The following CDC25C variants were observed in gnomAD, a reference collection of about 807,000 sequenced individuals.
CDC25C encodes cell division cycle 25C.
A neutral mutation model predicts 52.5 loss-of-function variants in CDC25C; 48 were observed. The observed-to-expected ratio is 0.91, with a 90% CI of 0.72 to 1.16. The LOEUF (loss-of-function observed/expected upper bound fraction) is 1.16. Among genes scored for constraint, CDC25C ranks in the 50% most tolerant of loss-of-function variants. The pLI, the probability that CDC25C is intolerant of heterozygous loss-of-function variation, is 0.00. For synonymous variants in CDC25C, 187 were observed against 206.5 expected (o/e 0.91, Z 0.81); for missense variants, 510 against 566.1 (o/e 0.90, Z 1.01).
Position 138,331,762 on chromosome 5 carries a change from T to C in CDC25C, c.-206A>G. 1.0e-6 allele frequency: 1 copy of C among 987,236 alleles called. No individual in the cohort carries two copies. The highest frequency in any genetic ancestry group is 6.0e-5 in the Admixed American group (1 of 16,634). The allele number at this position is 987,236 out of a possible 1,614,324, so 61.2% of individuals were successfully genotyped here. A position where few individuals can be genotyped will look rare whatever the true frequency, so the allele number is the denominator to read the frequency against. On this transcript the variant is annotated 5_prime_UTR_variant, in exon 1 of 14. Transcript: ENST00000323760. ...GTAGGCCAACGTCGGACTCAGAGTC[T>C]TCCCTGAGCAGAAGGCCAAAGTTAC...
In CDC25C at chr5:138,298,568, G is replaced by A. The variant is rs1757388992; in HGVS notation, c.616-6452C>T. On this transcript the variant is annotated intron_variant, in intron 7 of 13. Coordinates refer to ENST00000323760, the MANE Select transcript of CDC25C (RefSeq NM_001790.5). ...AGATCGAGACCATCCTGGCCAACAT[G>A]GTGAAATCCTGTCTCTACTAAAAAT... 4.6e-5 allele frequency among the ~76,000 whole-genome samples: 7 copies of A among 151,502 alleles called. No individual in the cohort carries two copies. The South Asian group carries it at 1.5e-3, about 32-fold the overall frequency.
chr5:138,287,637 C>A (rs940507378), intron 10 of CDC25C, among the ~76,000 whole-genome samples: 3 of 152,052 alleles, frequency 2.0e-5, no homozygotes, highest in Admixed American at 6.6e-5. Context: ...TCCCTACCCA[C>A]CATCAAAAAG....
intron 1 of CDC25C, chr5:138,337,182 C>G (rs1760761847): frequency 6.6e-6 from 1 of 152,114 alleles, no homozygotes; most frequent in Non-Finnish European, 1.5e-5. Context: ...TGCTTGTCTC[C>G]CTAAACCATC....
intron 7 of CDC25C, among the ~76,000 whole-genome samples, chr5:138,312,315 A>G (rs564035282): frequency 6.6e-6 from 1 of 152,304 alleles, no homozygotes; most frequent in Non-Finnish European, 1.5e-5. Context: ...GGCTGCAGTG[A>G]GCCATGATCA....
chr5:138,285,568 G>T lies in CDC25C; in HGVS notation c.*124C>A. 2 of 870,406 alleles carry T rather than the reference G, an allele frequency of 2.3e-6. No individual in the cohort carries two copies. The highest frequency in any genetic ancestry group is 1.8e-6 in the Non-Finnish European group (1 of 548,938). 53.9% of individuals were successfully genotyped at this position (870,406 alleles called of 1,614,324 possible). On this transcript the variant is annotated 3_prime_UTR_variant, in exon 14 of 14. Coordinates refer to ENST00000323760, the MANE Select transcript of CDC25C (RefSeq NM_001790.5). ...TCCCAGGCCTGGATACAAGTTGGTAGCCTGTTGGTTTGCAGAGACATCTTT... is the reference window on the plus strand; with the variant it reads ...TCCCAGGCCTGGATACAAGTTGGTATCCTGTTGGTTTGCAGAGACATCTTT...
At chr5:138,288,175 A>C (rs1295751126) in intron 10 of CDC25C, among the ~76,000 whole-genome samples, 1 of 152,058 alleles carries the variant, frequency 6.6e-6, no homozygotes, top group Non-Finnish European at 1.5e-5. Context: ...TCCCGGGTTC[A>C]AGCAATTCTC....
At chr5:138,322,858 T>A (rs1472592743) in intron 6 of CDC25C, among the ~76,000 whole-genome samples, 5 of 151,892 alleles carry the variant, frequency 3.3e-5, no homozygotes, top group African/African-American at 1.2e-4. Context: ...TGACCTCAAG[T>A]GATCAGCCTG....
At position 138,286,479 on chromosome 5, in the gene CDC25C, C is replaced by A. The variant is rs202170372; in HGVS notation, c.1160+18G>T. 42 of 1,602,388 alleles carry A rather than the reference C, an allele frequency of 2.6e-5. No individual in the cohort carries two copies. Among genetic ancestry groups the A allele is most frequent in the Non-Finnish European group, 2.6e-6 (3 of 1,173,734 alleles). ...AAATCCATTTCCATCACCCGCCAGACCCCATTTAGACACTCACATTCGGGG... is the reference window on the plus strand; with the variant it reads ...AAATCCATTTCCATCACCCGCCAGAACCCATTTAGACACTCACATTCGGGG... On this transcript the variant is annotated intron_variant, in intron 12 of 13. Transcript: ENST00000323760.
intron 6 of CDC25C, among the ~76,000 whole-genome samples, chr5:138,321,765 A>C (rs928044218): frequency 5.1e-4 from 67 of 130,558 alleles, no homozygotes; most frequent in Non-Finnish European, 6.9e-4. Flanking sequence ...AAAAAAAAAA[A>C]AAAAAAAAAA....
intron 7 of CDC25C, among the ~76,000 whole-genome samples, chr5:138,307,875 A>AT (rs1758142202): frequency 6.6e-6 from 1 of 151,970 alleles, no homozygotes; most frequent in South Asian, 2.1e-4. Flanking sequence ...TGTGGAAGAC[A>AT]TTTTTTTCCA....
chr5:138,325,165 A>G (rs1426500091), intron 6 of CDC25C, among the ~76,000 whole-genome samples: 1 of 152,244 alleles, frequency 6.6e-6, no homozygotes, highest in Non-Finnish European at 1.5e-5. Flanking sequence ...ACATGAGTTT[A>G]TCTTAAGTCA....
intron 1 of CDC25C, chr5:138,336,967 T>C (rs1281404301): frequency 6.6e-6 from 1 of 152,220 alleles, no homozygotes; most frequent in Non-Finnish European, 1.5e-5. Context: ...TCACAGCTAT[T>C]TACCTGTCCC....
chr5:138,327,282 TC>T (rs1759970012), intron 4 of CDC25C, among the ~76,000 whole-genome samples: 1 of 144,694 alleles, frequency 6.9e-6, no homozygotes, highest in African/African-American at 2.6e-5. Flanking sequence ...ATTTCTATCC[TC>T]CCTCCATGGA....
intron 6 of CDC25C, among the ~76,000 whole-genome samples, chr5:138,322,036 T>C (rs2126805600): frequency 6.6e-6 from 1 of 151,814 alleles, no homozygotes; most frequent in Non-Finnish European, 1.5e-5. Context: ...GAGACATGCT[T>C]TGTCGCCCAG....
chr5:138,319,190 T>C (rs1422719546), intron 7 of CDC25C, 29 bp downstream of exon 7: 2 of 1,576,772 alleles, frequency 1.3e-6, no homozygotes, highest in Non-Finnish European at 1.7e-6. Context: ...ATATGAAGAA[T>C]ACAAAGATAC....
chr5:138,337,722 G>T (rs1002276134), intron 1 of CDC25C: 2 of 336,152 alleles, frequency 5.9e-6, no homozygotes, highest in Admixed American at 8.8e-5. Context: ...GGGCTCCTGG[G>T]ACTCCGAGCA....
At chr5:138,331,892 C>CCG (rs1477605807), upstream of CDC25C, 25 of 985,554 alleles carry the variant, frequency 2.5e-5, no homozygotes, top group Non-Finnish European at 2.8e-5. Context: ...CAGCCAATCT[C>CCG]CGCGCGCGCG....
chr5:138,338,019 T>C (rs1280059060), exon 1 of CDC25C: 1 of 1,289,592 alleles, frequency 7.8e-7, no homozygotes, highest in African/African-American at 1.5e-5. Context: ...CCGTCCACTT[T>C]CTGCGATATT....
chr5:138,295,335 G>A (rs1172611172), intron 7 of CDC25C, among the ~76,000 whole-genome samples: 2 of 152,182 alleles, frequency 1.3e-5, no homozygotes, highest in Non-Finnish European at 2.9e-5. Context: ...CAGCGGCCAG[G>A]CATGGTAGCT....
Sources: allele counts gnomAD v4.1 joint callset (sites outside exome capture counted in the v4.1 genomes callset), GRCh38; gene constraint gnomAD v4.1.1; transcripts MANE v1.5; gene names NCBI Gene and HGNC (gene_info 2026-07-23, HGNC 2026-07-21).